Variants in LRMDA observed in about 807,000 individuals in gnomAD.
LRMDA encodes leucine rich melanocyte differentiation associated.
In LRMDA, 18 loss-of-function variants were observed where a neutral mutation model predicts 29.8. The ratio of observed to expected loss-of-function variants is 0.60; its 90% confidence interval spans 0.42 to 0.90. LRMDA has a LOEUF of 0.90. LRMDA is among the 40% of genes least tolerant of loss of function. LRMDA has a pLI of 0.00. For missense variants in LRMDA, 273 were observed against 273.9 expected, an observed-to-expected ratio of 1.00 and a Z score of 0.02; for synonymous variants, 125 against 109.4, an observed-to-expected ratio of 1.14 and a Z score of -0.89.
At chr10:75,788,800 A>T (rs1260043219) in intron 2 of LRMDA, among the ~76,000 whole-genome samples, 1 of 152,258 alleles carries the variant, frequency 6.6e-6, no homozygotes, top group African/African-American at 2.4e-5. Context: ...GAAAGTGATA[A>T]TGAATAAGAA....
chr10:76,508,238 A>G (rs1214696017), intron 6 of LRMDA, among the ~76,000 whole-genome samples: 7 of 152,142 alleles, frequency 4.6e-5, no homozygotes, highest in African/African-American at 1.7e-4. Flanking sequence ...TTTGTATTTA[A>G]TAAGTATCTT....
chr10:76,132,018 C>G (rs1850002463), intron 5 of LRMDA, among the ~76,000 whole-genome samples: 1 of 152,038 alleles, frequency 6.6e-6, no homozygotes, highest in South Asian at 2.1e-4. Flanking sequence ...TACAACAATT[C>G]AAGATGCAAA....
At chr10:75,923,185 G>A (rs1035789599) in intron 2 of LRMDA, among the ~76,000 whole-genome samples, 11 of 152,068 alleles carry the variant, frequency 7.2e-5, no homozygotes, top group African/African-American at 2.2e-4. Flanking sequence ...TTGTCATTGC[G>A]GCTTATTTAA....
intron 3 of LRMDA, among the ~76,000 whole-genome samples, chr10:76,044,689 C>G (rs998291484): frequency 7.2e-5 from 11 of 152,098 alleles, no homozygotes; most frequent in African/African-American, 1.7e-4. Context: ...GACCTTCTCT[C>G]CAGTCTCTAT....
At chr10:76,045,653 T>G (rs1848427023) in intron 3 of LRMDA, among the ~76,000 whole-genome samples, 1 of 152,106 alleles carries the variant, frequency 6.6e-6, no homozygotes, top group Non-Finnish European at 1.5e-5. Flanking sequence ...AAGGAAGACA[T>G]GTGAGCTTCA....
intron 2 of LRMDA, chr10:75,783,116 A>G: frequency 6.9e-7 from 1 of 1,441,000 alleles, no homozygotes; most frequent in Non-Finnish European, 9.7e-7. Flanking sequence ...TCAGGGTAGG[A>G]CTTGATGAGC....
At chr10:75,993,857 C>A (rs1446418762) in intron 2 of LRMDA, among the ~76,000 whole-genome samples, 1 of 152,166 alleles carries the variant, frequency 6.6e-6, no homozygotes, top group Non-Finnish European at 1.5e-5. Context: ...GAGAGGAACA[C>A]TTCCCTTTCC....
intron 2 of LRMDA, among the ~76,000 whole-genome samples, chr10:75,845,536 A>T (rs905305133): frequency 6.6e-6 from 1 of 152,132 alleles, no homozygotes; most frequent in Admixed American, 6.5e-5. Flanking sequence ...TCAGGTGGAC[A>T]CTTAGTCATC....
intron 2 of LRMDA, among the ~76,000 whole-genome samples, chr10:75,902,445 G>A (rs964474507): frequency 6.6e-6 from 1 of 152,064 alleles, no homozygotes; most frequent in Non-Finnish European, 1.5e-5. Flanking sequence ...CCTTGGGCAG[G>A]GGGCTCTAGT....
At chr10:76,065,343 A>C (rs1366764447) in intron 5 of LRMDA, among the ~76,000 whole-genome samples, 1 of 152,238 alleles carries the variant, frequency 6.6e-6, no homozygotes, top group Non-Finnish European at 1.5e-5. Flanking sequence ...TGGTGAAACC[A>C]AAATACACAA....
chr10:76,469,042 T>C (rs1842592525), intron 6 of LRMDA, among the ~76,000 whole-genome samples: 1 of 152,178 alleles, frequency 6.6e-6, no homozygotes, highest in Non-Finnish European at 1.5e-5. Context: ...CTGGATATTG[T>C]ACTAGGAGAA....
intron 2 of LRMDA, among the ~76,000 whole-genome samples, chr10:75,764,928 C>CGTGTGTGTGTGTGT (rs57422251): frequency 1.5e-4 from 22 of 142,850 alleles, no homozygotes; most frequent in African/African-American, 4.9e-4. Flanking sequence ...GCAAGAGACA[C>CGTGTGTGTGTGTGT]GTGTGTGTGT....
At chr10:76,535,256 A>G (rs1411127652) in intron 6 of LRMDA, among the ~76,000 whole-genome samples, 1 of 152,126 alleles carries the variant, frequency 6.6e-6, no homozygotes, top group Non-Finnish European at 1.5e-5. Flanking sequence ...GGAGGGAAGG[A>G]AGGAATAAAA....
At chr10:76,107,853 C>G (rs1849513285) in intron 5 of LRMDA, among the ~76,000 whole-genome samples, 1 of 152,128 alleles carries the variant, frequency 6.6e-6, no homozygotes, top group African/African-American at 2.4e-5. Flanking sequence ...GTTTGCTGCA[C>G]CCATCAACCC....
intron 2 of LRMDA, among the ~76,000 whole-genome samples, chr10:75,514,545 G>A (rs933173433): frequency 6.6e-6 from 1 of 152,122 alleles, no homozygotes; most frequent in Non-Finnish European, 1.5e-5. Context: ...GGGCCTAATG[G>A]GAGGTGTTTG....
At position 76,475,828 on chromosome 10, in the gene LRMDA, A is replaced by G. The variant is rs186928266; in HGVS notation, c.602-81381A>G. 2.8e-3 allele frequency among the ~76,000 whole-genome samples: 433 copies of G among 152,308 alleles called. 3 individuals are homozygous for G. The highest frequency in any genetic ancestry group is 9.7e-3 in the African/African-American group (404 of 41,584). On this transcript the variant is annotated intron_variant, in intron 6 of 6. Transcript: ENST00000611255. Reference sequence around the variant, plus strand: ...GGTACATAACGAAATGAAGGCAGAAATAAAGATGTTCTTTGAAACCAACGA... The same window carrying G: ...GGTACATAACGAAATGAAGGCAGAAGTAAAGATGTTCTTTGAAACCAACGA...
chr10:75,732,055 A>T (rs2132199737), intron 2 of LRMDA, among the ~76,000 whole-genome samples: 1 of 152,290 alleles, frequency 6.6e-6, no homozygotes, highest in Non-Finnish European at 1.5e-5. Flanking sequence ...ATATTATTTA[A>T]GTTTTTTCCC....
At chr10:75,509,128 G>T (rs929984839) in intron 2 of LRMDA, among the ~76,000 whole-genome samples, 6 of 152,116 alleles carry the variant, frequency 3.9e-5, no homozygotes, top group African/African-American at 1.4e-4. Flanking sequence ...GTGTTTTAGG[G>T]TGGTGACAGT....
chr10:76,038,145 T>C (rs1848282775), intron 3 of LRMDA, among the ~76,000 whole-genome samples: 2 of 152,214 alleles, frequency 1.3e-5, no homozygotes, highest in Non-Finnish European at 2.9e-5. Context: ...TTAGGGTCCA[T>C]GGACTTTGGT....
Sources: allele counts gnomAD v4.1 joint callset (sites outside exome capture counted in the v4.1 genomes callset), GRCh38; gene constraint gnomAD v4.1.1; transcripts MANE v1.5; gene names NCBI Gene and HGNC (gene_info 2026-07-23, HGNC 2026-07-21).